Variants in OCA2 observed in about 807,000 individuals in gnomAD.
OCA2 encodes P protein.
A neutral mutation model predicts 100.2 loss-of-function variants in OCA2; 77 were observed. The ratio of observed to expected loss-of-function variants is 0.77; its 90% CI spans 0.64 to 0.93. The LOEUF (loss-of-function observed/expected upper bound fraction) is 0.93. OCA2 is among the 40% of genes least tolerant of loss of function. OCA2 has a pLI of 0.00. For missense variants in OCA2, 1,062 were observed against 1,089.1 expected, an observed-to-expected ratio of 0.98 and a Z score of 0.35; for synonymous variants, 432 against 439.2, an observed-to-expected ratio of 0.98 and a Z score of 0.21.
At chr15:27,813,445 C>T (rs1460611128) in intron 23 of OCA2, among the ~76,000 whole-genome samples, 1 of 152,194 alleles carries the variant, frequency 6.6e-6, no homozygotes, top group Non-Finnish European at 1.5e-5. Flanking sequence ...GATACACACT[C>T]ACAGCCTATG....
the OCA2 span, among the ~76,000 whole-genome samples, chr15:27,725,423 C>G: frequency 3.9e-5 from 6 of 152,052 alleles, no homozygotes; most frequent in African/African-American, 7.2e-5. Flanking sequence ...CAAAAATTAG[C>G]TGAGCATGAT....
chr15:27,884,454 A>C (rs1230519441), intron 19 of OCA2, among the ~76,000 whole-genome samples: 2 of 152,256 alleles, frequency 1.3e-5, no homozygotes, highest in East Asian at 1.9e-4. Flanking sequence ...GCATCTTCCC[A>C]GTAAACTTAC....
intron 23 of OCA2, among the ~76,000 whole-genome samples, chr15:27,805,005 C>T (rs931135556): frequency 2.0e-5 from 3 of 152,248 alleles, no homozygotes; most frequent in Non-Finnish European, 4.4e-5. Context: ...AACCACCGAG[C>T]TGCGTGGTGA....
rs544947580 is a variant in OCA2 at position 27,991,970 on chromosome 15, T to A, written c.1045-1323A>T. Among the ~76,000 whole-genome samples the A allele has an allele frequency of 2.0e-5, 3 of 152,366 alleles. No homozygotes were observed. The South Asian group carries it at 6.2e-4, about 32-fold the overall frequency. On this transcript the variant is annotated intron_variant, in intron 9 of 23. Coordinates refer to ENST00000354638, the MANE Select transcript of OCA2 (RefSeq NM_000275.3). Reference sequence around the variant, plus strand: ...TTTCAGGAAATGTGATACTAGGTGTTGGCTTTTCACAGTTTCACTTTTTAA... The same window carrying A: ...TTTCAGGAAATGTGATACTAGGTGTAGGCTTTTCACAGTTTCACTTTTTAA...
chr15:27,810,499 A>T (rs2034033556), intron 23 of OCA2, among the ~76,000 whole-genome samples: 1 of 152,226 alleles, frequency 6.6e-6, no homozygotes, highest in African/African-American at 2.4e-5. Context: ...AAATGAAAGT[A>T]AATAAATGGG....
intron 18 of OCA2, among the ~76,000 whole-genome samples, chr15:27,929,182 T>C (rs1468781726): frequency 6.6e-6 from 1 of 152,202 alleles, no homozygotes; most frequent in African/African-American, 2.4e-5. Context: ...AGGACTAGAA[T>C]AACCAATGCA....
At chr15:27,753,529 C>T (rs1006756043), downstream of OCA2, among the ~76,000 whole-genome samples, 2 of 151,926 alleles carry the variant, frequency 1.3e-5, no homozygotes, top group Non-Finnish European at 2.9e-5. Flanking sequence ...GTCAGGAGAT[C>T]GAGACCATCC....
chr15:27,742,292 A>T, the OCA2 span, among the ~76,000 whole-genome samples: 1 of 152,214 alleles, frequency 6.6e-6, no homozygotes, highest in Non-Finnish European at 1.5e-5. Context: ...ATCATTCCCC[A>T]GTGCTCTAAA....
chr15:27,941,633 A>G (rs2039651592), intron 18 of OCA2, among the ~76,000 whole-genome samples: 1 of 152,206 alleles, frequency 6.6e-6, no homozygotes, highest in Non-Finnish European at 1.5e-5. Context: ...GACCAACCCT[A>G]TGAAATGCTT....
At chr15:27,967,805 T>C (rs2040624159) in intron 14 of OCA2, among the ~76,000 whole-genome samples, 1 of 152,282 alleles carries the variant, frequency 6.6e-6, no homozygotes. Context: ...TGATTTGTCC[T>C]GGAATAAGTC....
At chr15:27,876,508 T>C (rs955822528) in intron 19 of OCA2, among the ~76,000 whole-genome samples, 4 of 152,166 alleles carry the variant, frequency 2.6e-5, no homozygotes, top group South Asian at 4.1e-4. Flanking sequence ...AAGAGATTTA[T>C]AGGATTGGTA....
In OCA2 at chr15:28,007,721, C is replaced by CA. The variant is rs546301397; in HGVS notation, c.1044+7054dup. Among the ~76,000 whole-genome samples the CA allele has an allele frequency of 2.7e-3, 358 of 132,332 alleles. 1 individual carries two copies. Among genetic ancestry groups the CA allele is most frequent in the African/African-American group, 7.7e-3 (275 of 35,932 alleles). The allele number at this position is 132,332 out of a possible 152,430, so 86.8% of individuals were successfully genotyped here. A position where few individuals can be genotyped will look rare whatever the true frequency, so the allele number is the denominator to read the frequency against. ...CTCCAGCCTGGGCAAGACTCCATCT[C>CA]AAAAAAAAAAAAGACCTACTGTACA... On this transcript the variant is annotated intron_variant, in intron 9 of 23. Coordinates refer to ENST00000354638, the MANE Select transcript of OCA2 (RefSeq NM_000275.3).
chr15:27,839,330 T>C (rs2035265392), intron 23 of OCA2, among the ~76,000 whole-genome samples: 1 of 152,164 alleles, frequency 6.6e-6, no homozygotes, highest in South Asian at 2.1e-4. Context: ...AACTAAAATA[T>C]ACATAAAACC....
intron 19 of OCA2, among the ~76,000 whole-genome samples, chr15:27,901,969 G>C (rs1175856450): frequency 6.6e-6 from 1 of 152,196 alleles, no homozygotes; most frequent in African/African-American, 2.4e-5. Flanking sequence ...ACTGTGACCA[G>C]AAGGGTCCTG....
At chr15:28,049,687 TGAATGAATAAGCCAG>T (rs1444129192) in intron 2 of OCA2, among the ~76,000 whole-genome samples, 2 of 152,222 alleles carry the variant, frequency 1.3e-5, no homozygotes, top group African/African-American at 4.8e-5. Flanking sequence ...AACATCATGC[TGAATGAATAAGCCAG>T]GAACAAAAGG....
At chr15:27,955,910 A>G (rs560818677) in intron 16 of OCA2, among the ~76,000 whole-genome samples, 4 of 152,072 alleles carry the variant, frequency 2.6e-5, no homozygotes, top group African/African-American at 9.6e-5. Context: ...TTCCTCCCAA[A>G]CCAATTAGGG....
chr15:27,745,806 C>T, the OCA2 span, among the ~76,000 whole-genome samples: 1 of 152,184 alleles, frequency 6.6e-6, no homozygotes, highest in Admixed American at 6.5e-5. Context: ...ATAATCAGAA[C>T]CCTGTTGTCC....
chr15:27,862,474 GAC>G (rs1275014815), intron 21 of OCA2, among the ~76,000 whole-genome samples: 3 of 128,146 alleles, frequency 2.3e-5, no homozygotes, highest in African/African-American at 3.3e-5. Flanking sequence ...GACCTCCTCA[GAC>G]ATTTTTTTTT....
intron 10 of OCA2, among the ~76,000 whole-genome samples, chr15:27,990,250 G>A (rs2041506933): frequency 6.6e-6 from 1 of 152,114 alleles, no homozygotes; most frequent in South Asian, 2.1e-4. Flanking sequence ...GCACCAGCTA[G>A]GACGGTCCCC....
Sources: allele counts gnomAD v4.1 joint callset (sites outside exome capture counted in the v4.1 genomes callset), GRCh38; gene constraint gnomAD v4.1.1; transcripts MANE v1.5; gene names NCBI Gene and HGNC (gene_info 2026-07-23, HGNC 2026-07-21).